CDH6: variants seen among roughly 807,000 people sequenced by gnomAD.
CDH6 encodes the protein cadherin 6, also known as cadherin-6.
In CDH6, 31 loss-of-function variants were observed where a neutral mutation model predicts 78.0. That is an observed-to-expected ratio of 0.40 (90% confidence interval 0.30 to 0.54). The LOEUF (loss-of-function observed/expected upper bound fraction) is 0.54, where lower values mean the gene tolerates loss of function less well. Among genes scored for constraint, CDH6 ranks in the 20% least tolerant of loss-of-function variants. The probability of loss-of-function intolerance (pLI) is 0.56; values close to 1 mark genes in which losing one functional copy is unlikely to be tolerated. For missense variants in CDH6, 724 were observed against 975.9 expected (o/e 0.74, Z 3.44); for synonymous variants, 376 against 368.8 (o/e 1.02, Z -0.23).
At chr5:31,312,504 G>T (rs1190059268) in intron 7 of CDH6, among the ~76,000 whole-genome samples, 1 of 152,164 alleles carries the variant, frequency 6.6e-6, no homozygotes, top group Admixed American at 6.5e-5. Context: ...TTCAAGACCA[G>T]CCCGGGCAAA....
chr5:31,314,660 T>G (rs950547913), intron 8 of CDH6, among the ~76,000 whole-genome samples: 1 of 152,068 alleles, frequency 6.6e-6, no homozygotes, highest in South Asian at 2.1e-4. Flanking sequence ...TCATGTTAAT[T>G]TATGTTATGG....
chr5:31,212,289 C>T (rs543456627), intron 1 of CDH6, among the ~76,000 whole-genome samples: 1 of 152,258 alleles, frequency 6.6e-6, no homozygotes, highest in South Asian at 2.1e-4. Context: ...ACTATTATTT[C>T]TTCCAAATTT....
chr5:31,251,622 G>A (rs745769039), intron 1 of CDH6: 5 of 152,162 alleles, frequency 3.3e-5, no homozygotes, highest in Non-Finnish European at 7.3e-5. Context: ...CACCTCTTGG[G>A]AACTGATTCC....
chr5:31,283,631 G>C (rs1474848213), intron 2 of CDH6, among the ~76,000 whole-genome samples: 5 of 152,062 alleles, frequency 3.3e-5, no homozygotes. Flanking sequence ...AATCACAAAA[G>C]AGAAGACTTT....
intron 1 of CDH6, among the ~76,000 whole-genome samples, chr5:31,266,131 T>C (rs1162756318): frequency 6.6e-6 from 1 of 152,050 alleles, no homozygotes; most frequent in African/African-American, 2.4e-5. Flanking sequence ...TTACTGTTTT[T>C]TTCGCCCAAA....
At chr5:31,196,956 C>T (rs1211824084) in intron 1 of CDH6, among the ~76,000 whole-genome samples, 1 of 151,712 alleles carries the variant, frequency 6.6e-6, no homozygotes, top group African/African-American at 2.4e-5. Flanking sequence ...AGCGCCGCCG[C>T]CCCCCGCCCC....
Position 31,323,922 on chromosome 5 carries a change from C to A in CDH6, c.*614C>A. On this transcript the variant is annotated 3_prime_UTR_variant, in exon 12 of 12. Coordinates refer to ENST00000265071, the MANE Select transcript of CDH6 (RefSeq NM_004932.4). ...TCTTAAGGAATAGAAGCAAATTAAA[C>A]GGTAACATCCAAAAGCAACCACAAA... 2 of 228,948 alleles carry A rather than the reference C, an allele frequency of 8.7e-6. No homozygotes were observed. The highest frequency in any genetic ancestry group is 1.7e-5 in the Non-Finnish European group (2 of 115,452). The allele number at this position is 228,948 out of a possible 1,614,324, so 14.2% of individuals were successfully genotyped here. A position where few individuals can be genotyped will look rare whatever the true frequency, so the allele number is the denominator to read the frequency against.
chr5:31,233,076 A>G (rs1413076402), intron 1 of CDH6, among the ~76,000 whole-genome samples: 3 of 152,130 alleles, frequency 2.0e-5, no homozygotes, highest in Non-Finnish European at 4.4e-5. Flanking sequence ...TGAATATACA[A>G]ATACACACAC....
chr5:31,232,160 C>G (rs1292345256), intron 1 of CDH6, among the ~76,000 whole-genome samples: 1 of 152,138 alleles, frequency 6.6e-6, no homozygotes, highest in Non-Finnish European at 1.5e-5. Context: ...TGTCTTAAGG[C>G]AAGGAGAAAA....
intron 1 of CDH6, among the ~76,000 whole-genome samples, chr5:31,255,765 A>G (rs901719239): frequency 6.6e-6 from 1 of 152,354 alleles, no homozygotes; most frequent in Admixed American, 6.5e-5. Flanking sequence ...AATTTATTAC[A>G]TTAATTATTC....
At chr5:31,320,515 T>C (rs922710187) in intron 11 of CDH6, among the ~76,000 whole-genome samples, 2 of 152,192 alleles carry the variant, frequency 1.3e-5, no homozygotes, top group African/African-American at 4.8e-5. Context: ...TTCTGTTCTC[T>C]AATCCCAATG....
chr5:31,255,486 G>A (rs554351669), intron 1 of CDH6, among the ~76,000 whole-genome samples: 3 of 152,184 alleles, frequency 2.0e-5, no homozygotes, highest in Admixed American at 6.5e-5. Flanking sequence ...AATGTTTTGC[G>A]TGATATTTTA....
intron 1 of CDH6, among the ~76,000 whole-genome samples, chr5:31,195,004 TTAACTA>T: frequency 6.6e-6 from 1 of 151,852 alleles, no homozygotes; most frequent in Non-Finnish European, 1.5e-5. Flanking sequence ...GCCACCTGAG[TTAACTA>T]TGACTCAGAA....
intron 7 of CDH6, among the ~76,000 whole-genome samples, chr5:31,308,659 T>C (rs1390506401): frequency 6.6e-6 from 1 of 152,134 alleles, no homozygotes; most frequent in Non-Finnish European, 1.5e-5. Context: ...AATTTTTAAA[T>C]GTCCCAATAA....
chr5:31,320,830 T>C (rs1738459913), intron 11 of CDH6, among the ~76,000 whole-genome samples: 1 of 151,896 alleles, frequency 6.6e-6, no homozygotes, highest in Non-Finnish European at 1.5e-5. Flanking sequence ...AATACAAAAA[T>C]TAACTGTGCA....
chr5:31,263,481 C>T (rs542427073), intron 1 of CDH6, among the ~76,000 whole-genome samples: 24 of 139,588 alleles, frequency 1.7e-4, no homozygotes, highest in African/African-American at 6.4e-4. Flanking sequence ...TGGGGTTTCA[C>T]CATGTTAGCC....
At chr5:31,197,325 A>G (rs940930855) in intron 1 of CDH6, among the ~76,000 whole-genome samples, 13 of 152,318 alleles carry the variant, frequency 8.5e-5, no homozygotes, top group African/African-American at 3.1e-4. Flanking sequence ...CTAAAGTTTG[A>G]AATGTGTTCC....
intron 1 of CDH6, among the ~76,000 whole-genome samples, chr5:31,207,061 CAAG>C (rs1330227174): frequency 6.6e-6 from 1 of 152,106 alleles, no homozygotes; most frequent in Non-Finnish European, 1.5e-5. Context: ...TCACTCTACA[CAAG>C]AAGACTAGTT....
Position 31,294,561 on chromosome 5 carries a change from A to AAGAT in CDH6, c.523+307_523+308insATAG, listed in dbSNP as rs5867067. On this transcript the variant is annotated intron_variant, in intron 3 of 11. Transcript: ENST00000265071. The surrounding 1 kb of genome is among the most constrained non-coding windows in gnomAD (Gnocchi z 4.1). The stretch of plus-strand genomic sequence containing the variant: ...ATGCCCATTCTCTTTCTTGGGCTGA[A>AAGAT]AGCAACCTTCTCCACTTCTCTTAGC... Among the ~76,000 whole-genome samples the AAGAT allele has an allele frequency of 0.94, 143,297 of 152,046 alleles. 67,960 individuals are homozygous for AAGAT. Among genetic ancestry groups the AAGAT allele is most frequent in the East Asian group, 1 (5,168 of 5,168 alleles).
Sources: gnomAD v4.1 joint callset for allele counts (sites outside exome capture counted in the v4.1 genomes callset) on GRCh38, gnomAD v4.1.1 for gene constraint, Gnocchi (gnomAD v3.1) non-coding constraint, MANE v1.5 for transcripts, NCBI Gene and HGNC (gene_info 2026-07-23, HGNC 2026-07-21) for gene names.